The following FBXO34 variants were observed in gnomAD, a reference collection of about 807,000 sequenced individuals.
FBXO34 encodes the protein F-box only protein 34.
In FBXO34, 12 loss-of-function variants were observed where a neutral mutation model predicts 24.5. The observed-to-expected ratio is 0.49, with a 90% CI of 0.31 to 0.79. The LOEUF is 0.79. Among genes scored for constraint, FBXO34 ranks in the 30% least tolerant of loss-of-function variants. The pLI, the probability that FBXO34 is intolerant of heterozygous loss-of-function variation, is 0.04. For missense variants in FBXO34, 823 were observed against 857.7 expected (o/e 0.96, Z 0.51); for synonymous variants, 320 against 311.9 (o/e 1.03, Z -0.27).
Position 55,351,292 on chromosome 14 carries a change from G to C in FBXO34, c.902G>C (p.Ser301Thr). The C allele has an allele frequency of 6.2e-7, 1 of 1,614,220 alleles. No homozygotes were observed. Among genetic ancestry groups the C allele is most frequent in the Non-Finnish European group, 8.5e-7 (1 of 1,180,044 alleles). The stretch of plus-strand genomic sequence containing the variant: ...CGGCAGGGCCAGCGTGAGCCTGGGA[G>C]CCTCTCAAGGAATAACAGCTTCCGT... ...LKRQGQREPG[S>T]LSRNNSFRRN... The change falls in exon 2 of 2, where the codon AGC becomes ACC. Residue 301 changes from serine to threonine, a missense_variant. Ser to Thr is a moderately conservative substitution (Grantham distance 58). Coordinates refer to ENST00000313833, the MANE Select transcript of FBXO34 (RefSeq NM_017943.4).
At chr14:55,285,361 ACT>A (rs1881723695) in intron 1 of FBXO34, 1 of 151,522 alleles carries the variant, frequency 6.6e-6, no homozygotes, top group Non-Finnish European at 1.5e-5. Flanking sequence ...CAAGAGCGAA[ACT>A]CTGTCTCAGA....
chr14:55,367,260 G>T, exon 3 of FBXO34: 1 of 152,274 alleles, frequency 6.6e-6, no homozygotes. Flanking sequence ...CTTACAACTC[G>T]TGAGACTAAG....
At chr14:55,397,783 T>C in the FBXO34 span, among the ~76,000 whole-genome samples, 2 of 152,208 alleles carry the variant, frequency 1.3e-5, no homozygotes, top group Non-Finnish European at 2.9e-5. Flanking sequence ...TTTTAATTAC[T>C]AATCTGGATT....
chr14:55,407,991 T>C, the FBXO34 span, among the ~76,000 whole-genome samples: 2 of 152,172 alleles, frequency 1.3e-5, no homozygotes, highest in Non-Finnish European at 2.9e-5. Flanking sequence ...GGCCTACAAC[T>C]GTGGAGCAGT....
chr14:55,374,564 T>C (rs1174112199), downstream of FBXO34, among the ~76,000 whole-genome samples: 2 of 152,254 alleles, frequency 1.3e-5, no homozygotes, highest in Non-Finnish European at 2.9e-5. Context: ...ACTCCTTTCC[T>C]TTATGGTTTT....
At chr14:55,400,057 G>A in the FBXO34 span, among the ~76,000 whole-genome samples, 1 of 152,162 alleles carries the variant, frequency 6.6e-6, no homozygotes, top group Admixed American at 6.5e-5. Flanking sequence ...CATGAGTCAC[G>A]TCCTCCTTCA....
chr14:55,336,988 T>A (rs1258253996), intron 1 of FBXO34, among the ~76,000 whole-genome samples: 4 of 151,010 alleles, frequency 2.6e-5, no homozygotes, highest in East Asian at 3.9e-4. Flanking sequence ...TATTTTTTTT[T>A]TTTTTTTGAG....
chr14:55,323,227 T>TA (rs1566555916), intron 1 of FBXO34, among the ~76,000 whole-genome samples: 171 of 14,750 alleles, frequency 0.012, 8 homozygotes, highest in Middle Eastern at 0.05. Flanking sequence ...AAATATATAT[T>TA]TTTTTTTTTT....
chr14:55,341,528 T>G (rs1430457895), intron 1 of FBXO34, among the ~76,000 whole-genome samples: 1 of 152,268 alleles, frequency 6.6e-6, no homozygotes, highest in Non-Finnish European at 1.5e-5. Context: ...CTTCAGTTTC[T>G]GTAAAAAATA....
At chr14:55,381,573 CGAAT>C in the FBXO34 span, among the ~76,000 whole-genome samples, 1 of 152,148 alleles carries the variant, frequency 6.6e-6, no homozygotes, top group Non-Finnish European at 1.5e-5. Context: ...ACCATAAAAA[CGAAT>C]GAAACACTAA....
chr14:55,390,836 C>T, the FBXO34 span: 14 of 1,017,494 alleles, frequency 1.4e-5, no homozygotes, highest in Non-Finnish European at 1.9e-5. Flanking sequence ...TTTCTGTGTC[C>T]CTCTAGTTTA....
intron 1 of FBXO34, among the ~76,000 whole-genome samples, chr14:55,303,749 A>G (rs915607492): frequency 5.3e-5 from 8 of 152,092 alleles, no homozygotes; most frequent in African/African-American, 1.7e-4. Context: ...AAGAGGGAGA[A>G]TGATGTTATG....
the FBXO34 span, among the ~76,000 whole-genome samples, chr14:55,393,086 A>G: frequency 6.6e-6 from 1 of 152,224 alleles, no homozygotes. Flanking sequence ...AATTTTAAGT[A>G]TAATGAAATA....
chr14:55,303,262 G>A (rs1882426110), intron 1 of FBXO34, among the ~76,000 whole-genome samples: 1 of 152,120 alleles, frequency 6.6e-6, no homozygotes, highest in South Asian at 2.1e-4. Context: ...TTTGAACAAA[G>A]TAGACAGAGT....
At chr14:55,381,010 T>A in the FBXO34 span, among the ~76,000 whole-genome samples, 1 of 151,668 alleles carries the variant, frequency 6.6e-6, no homozygotes, top group African/African-American at 2.4e-5. Flanking sequence ...CCAACTTGAA[T>A]GTCACCTCTC....
the FBXO34 span, among the ~76,000 whole-genome samples, chr14:55,383,579 C>T: frequency 2.0e-5 from 3 of 151,134 alleles, no homozygotes; most frequent in Admixed American, 1.3e-4. Flanking sequence ...AAAACAACAA[C>T]AACAACAACA....
At chr14:55,389,049 T>C in the FBXO34 span, among the ~76,000 whole-genome samples, 1 of 152,216 alleles carries the variant, frequency 6.6e-6, no homozygotes, top group Non-Finnish European at 1.5e-5. Flanking sequence ...CTCTAGATTT[T>C]AAAAGGGTCA....
chr14:55,421,257 G>A, the FBXO34 span, among the ~76,000 whole-genome samples: 48 of 147,318 alleles, frequency 3.3e-4, no homozygotes, highest in African/African-American at 1.2e-3. Flanking sequence ...GTTTCCCTAA[G>A]TAGGGTATGT....
At chr14:55,304,631 C>G (rs1428345932) in intron 1 of FBXO34, among the ~76,000 whole-genome samples, 1 of 152,076 alleles carries the variant, frequency 6.6e-6, no homozygotes, top group Non-Finnish European at 1.5e-5. Context: ...TCTGGAGTAG[C>G]TGGGACCACA....
Sources: allele counts gnomAD v4.1 joint callset (sites outside exome capture counted in the v4.1 genomes callset), GRCh38; gene constraint gnomAD v4.1.1; transcripts MANE v1.5; gene names NCBI Gene and HGNC (gene_info 2026-07-23, HGNC 2026-07-21).